SMAD5: variants seen among roughly 807,000 people sequenced by gnomAD.
The protein encoded by SMAD5 is MAD, mothers against decapentaplegic homolog 5.
In SMAD5, 9 loss-of-function variants were observed where a neutral mutation model predicts 43.1. The observed-to-expected ratio is 0.21, with a 90% CI of 0.13 to 0.36. The LOEUF (loss-of-function observed/expected upper bound fraction) is 0.36, where lower values mean the gene tolerates loss of function less well. SMAD5 is among the 10% of genes least tolerant of loss of function. The probability of loss-of-function intolerance (pLI) is 1.00; values close to 1 mark genes in which losing one functional copy is unlikely to be tolerated. For synonymous variants in SMAD5, 190 were observed against 192.4 expected, an observed-to-expected ratio of 0.99 and a Z score of 0.10; for missense variants, 348 against 574.0, an observed-to-expected ratio of 0.61 and a Z score of 4.02.
rs571382054 is a variant in SMAD5, at chr5:136,171,407, G to A, written c.776-1027G>A. ...TTGCTGCTATGTTCTGAATTGTGTC[G>A]TCCCAAAATTCATGTTTTGAACCAA... On this transcript the variant is annotated intron_variant, in intron 5 of 7. Coordinates refer to ENST00000545279, the MANE Select transcript of SMAD5 (RefSeq NM_005903.7). Among the ~76,000 whole-genome samples the A allele has an allele frequency of 4.6e-5, 7 of 152,144 alleles. No homozygotes were observed. The East Asian group carries it at 9.7e-4, about 21-fold the overall frequency.
At chr5:136,164,522 A>G (rs1271797042) in intron 5 of SMAD5, among the ~76,000 whole-genome samples, 1 of 152,174 alleles carries the variant, frequency 6.6e-6, no homozygotes, top group Non-Finnish European at 1.5e-5. Context: ...CTTGTTGGCC[A>G]TTTATATATC....
At chr5:136,145,958 T>A (rs751124968) in intron 1 of SMAD5, among the ~76,000 whole-genome samples, 2 of 151,904 alleles carry the variant, frequency 1.3e-5, no homozygotes, top group Non-Finnish European at 2.9e-5. Flanking sequence ...AAGGGTCATA[T>A]CCTGACTTCT....
At position 136,178,189 on chromosome 5, in the gene SMAD5, A is replaced by G. The variant is rs551735910; in HGVS notation, c.*709A>G. On this transcript the variant is annotated 3_prime_UTR_variant, in exon 8 of 8. Coordinates refer to ENST00000545279, the MANE Select transcript of SMAD5 (RefSeq NM_005903.7). Reference sequence around the variant, plus strand: ...TTTGCAAATAACTGATCTCAAGTATATGTCATTTACTCAAAATCTGTCATA... The same window carrying G: ...TTTGCAAATAACTGATCTCAAGTATGTGTCATTTACTCAAAATCTGTCATA... 1.3e-5 allele frequency: 2 copies of G among 152,804 alleles called. No individual in the cohort carries two copies. The highest frequency in any genetic ancestry group is 4.1e-4 in the South Asian group (2 of 4,830). 9.5% of individuals were successfully genotyped at this position (152,804 alleles called of 1,614,324 possible). A position where few individuals can be genotyped will look rare whatever the true frequency, so the allele number is the denominator to read the frequency against.
At chr5:136,139,921 C>G (rs959301032) in intron 1 of SMAD5, among the ~76,000 whole-genome samples, 2 of 152,004 alleles carry the variant, frequency 1.3e-5, no homozygotes, top group East Asian at 3.9e-4. Context: ...CTATGTTGCC[C>G]AGGCTAGGCT....
At chr5:136,149,573 AAC>A (rs1753381428) in intron 2 of SMAD5, among the ~76,000 whole-genome samples, 1 of 151,622 alleles carries the variant, frequency 6.6e-6, no homozygotes, top group Non-Finnish European at 1.5e-5. Flanking sequence ...TTCATGTGAT[AAC>A]TAATGATATT....
intron 1 of SMAD5, among the ~76,000 whole-genome samples, chr5:136,141,329 A>G (rs937537922): frequency 3.3e-5 from 5 of 152,192 alleles, no homozygotes; most frequent in African/African-American, 1.2e-4. Flanking sequence ...GCTCATTTGT[A>G]GTAACAGGAC....
chr5:136,166,551 C>G (rs879406728), intron 5 of SMAD5, among the ~76,000 whole-genome samples: 1 of 152,124 alleles, frequency 6.6e-6, no homozygotes, highest in Non-Finnish European at 1.5e-5. Flanking sequence ...ATTCCTGTTT[C>G]TCTACTTATT....
At chr5:136,156,962 A>G (rs1753659249) in intron 3 of SMAD5, among the ~76,000 whole-genome samples, 1 of 150,730 alleles carries the variant, frequency 6.6e-6, no homozygotes, top group Non-Finnish European at 1.5e-5. Flanking sequence ...CTGACCCCCC[A>G]TGATTAAGCA....
intron 5 of SMAD5, among the ~76,000 whole-genome samples, chr5:136,166,759 CT>C (rs1471032835): frequency 1.3e-5 from 2 of 152,188 alleles, no homozygotes; most frequent in Non-Finnish European, 2.9e-5. Context: ...ATTTACTCCA[CT>C]TTATTCTCCT....
intron 1 of SMAD5, chr5:136,133,787 C>T (rs1345173108): frequency 1.3e-5 from 2 of 154,506 alleles, no homozygotes; most frequent in Non-Finnish European, 2.9e-5. Context: ...TTGAAAACTC[C>T]CATGTGGCGC....
At chr5:136,172,021 A>G (rs561390812) in intron 5 of SMAD5, among the ~76,000 whole-genome samples, 1 of 152,318 alleles carries the variant, frequency 6.6e-6, no homozygotes, top group African/African-American at 2.4e-5. Flanking sequence ...TGCACTGAGG[A>G]GGGGCCATAT....
intron 1 of SMAD5, chr5:136,147,500 C>A (rs562188737): frequency 1.3e-5 from 2 of 151,852 alleles, no homozygotes; most frequent in East Asian, 3.9e-4. Context: ...AGGAGGGTTT[C>A]TTTCTAGGAG....
At chr5:136,152,720 C>T (rs985715378) in intron 2 of SMAD5, 1 of 152,158 alleles carries the variant, frequency 6.6e-6, no homozygotes, top group Non-Finnish European at 1.5e-5. Context: ...GATTGAACTC[C>T]TGGGCTCAAG....
chr5:136,165,083 A>G (rs1016841406), intron 5 of SMAD5, among the ~76,000 whole-genome samples: 1 of 152,146 alleles, frequency 6.6e-6, no homozygotes, highest in East Asian at 1.9e-4. Context: ...CTTGATTGCT[A>G]AAGCTTTCCT....
chr5:136,141,270 G>A (rs946519810), intron 1 of SMAD5, among the ~76,000 whole-genome samples: 11 of 152,150 alleles, frequency 7.2e-5, no homozygotes, highest in Non-Finnish European at 1.3e-4. Context: ...TTTATTGGGA[G>A]CAGGAATAAT....
chr5:136,159,780 G>A (rs1753766804), intron 3 of SMAD5, among the ~76,000 whole-genome samples: 1 of 152,162 alleles, frequency 6.6e-6, no homozygotes, highest in Non-Finnish European at 1.5e-5. Flanking sequence ...AGAATGAAAT[G>A]AAACAATAGA....
intron 5 of SMAD5, 42 bp downstream of exon 5, chr5:136,163,433 G>A: frequency 6.7e-7 from 1 of 1,482,442 alleles, no homozygotes; most frequent in Non-Finnish European, 9.1e-7. Context: ...AGTAGTAGTT[G>A]TTTTTAACTT....
chr5:136,161,356 C>A (rs964617289), intron 4 of SMAD5, among the ~76,000 whole-genome samples: 3 of 152,108 alleles, frequency 2.0e-5, no homozygotes, highest in African/African-American at 7.2e-5. Flanking sequence ...ACACTCAGTA[C>A]CATTTATTGT....
chr5:136,172,777 A>T (rs1754275156), intron 6 of SMAD5, 122 bp downstream of exon 6: 2 of 686,590 alleles, frequency 2.9e-6, no homozygotes, highest in South Asian at 3.5e-5. Flanking sequence ...CTCTGCCTTA[A>T]GTTGCCGATA....
Sources: gnomAD v4.1 joint callset for allele counts (sites outside exome capture counted in the v4.1 genomes callset) on GRCh38, gnomAD v4.1.1 for gene constraint, MANE v1.5 for transcripts, NCBI Gene and HGNC (gene_info 2026-07-23, HGNC 2026-07-21) for gene names.